AGBL1: variants seen among roughly 807,000 people sequenced by gnomAD.
AGBL1 encodes AGBL carboxypeptidase 1.
In AGBL1, 130 loss-of-function variants were observed where a neutral mutation model predicts 118.9. That is an observed-to-expected ratio of 1.09 (90% CI 0.95 to 1.26). The LOEUF (loss-of-function observed/expected upper bound fraction) is 1.26. Among genes scored for constraint, AGBL1 ranks in the 50% most tolerant of loss-of-function variants. The pLI is 0.00. For synonymous variants in AGBL1, 555 were observed against 478.9 expected, an observed-to-expected ratio of 1.16 and a Z score of -2.08; for missense variants, 1,584 against 1,298.1, an observed-to-expected ratio of 1.22 and a Z score of -3.38.
At chr15:86,314,973 T>C (rs2079978916) in intron 17 of AGBL1, among the ~76,000 whole-genome samples, 1 of 152,212 alleles carries the variant, frequency 6.6e-6, no homozygotes, top group Non-Finnish European at 1.5e-5. Context: ...GGGTTCCTTA[T>C]CTGTAAATAG....
At chr15:86,960,081 CT>C (rs2080976044) in intron 23 of AGBL1, among the ~76,000 whole-genome samples, 1 of 152,098 alleles carries the variant, frequency 6.6e-6, no homozygotes, top group Non-Finnish European at 1.5e-5. Context: ...CTTCTTTAAC[CT>C]TTCTTTGTTG....
At chr15:86,217,011 T>A (rs965099919) in intron 5 of AGBL1, among the ~76,000 whole-genome samples, 2 of 152,206 alleles carry the variant, frequency 1.3e-5, no homozygotes, top group African/African-American at 4.8e-5. Flanking sequence ...ATATTTTTAT[T>A]TATATGTTGC....
In AGBL1 at chr15:86,554,481, T is replaced by A. The variant is rs760990821; in HGVS notation, c.2938T>A (p.Ser980Thr). 5.1e-6 allele frequency: 8 copies of A among 1,583,954 alleles called. No individual in the cohort carries two copies. The African/African-American group carries it at 6.8e-5, about 13-fold the overall frequency. ...RVVVWREMGV[S>T]RSYTMESSYC... ...GGTGGTGTGGAGAGAGATGGGGGTG[T>A]CCAGAAGCTACACCATGGAAAGCAG... is the stretch of plus-strand genomic sequence containing the variant. The change falls in exon 21 of 23, where the codon TCC becomes ACC. Residue 980 changes from serine (S) to threonine (T), a missense_variant. Coordinates refer to ENST00000614907, the MANE Select transcript of AGBL1 (RefSeq NM_001386094.1).
intron 17 of AGBL1, among the ~76,000 whole-genome samples, chr15:86,337,554 C>T (rs932464993): frequency 2.0e-5 from 3 of 152,164 alleles, no homozygotes; most frequent in African/African-American, 7.2e-5. Context: ...ATATCCTTTG[C>T]AGGGACATGG....
At chr15:86,117,950 C>T (rs1027613521) in intron 1 of AGBL1, among the ~76,000 whole-genome samples, 1 of 152,210 alleles carries the variant, frequency 6.6e-6, no homozygotes, top group Non-Finnish European at 1.5e-5. Context: ...GAATAACTGT[C>T]AAGACTTGCT....
intron 21 of AGBL1, among the ~76,000 whole-genome samples, chr15:86,645,129 TTC>T (rs1288942443): frequency 6.6e-6 from 1 of 152,220 alleles, no homozygotes; most frequent in East Asian, 1.9e-4. Flanking sequence ...TAATATTATC[TTC>T]TTAATGTTAA....
At chr15:86,925,486 A>T (rs940587342) in intron 23 of AGBL1, among the ~76,000 whole-genome samples, 1 of 152,038 alleles carries the variant, frequency 6.6e-6, no homozygotes, top group South Asian at 2.1e-4. Flanking sequence ...TATTAATAAC[A>T]CCAGTCCTAA....
chr15:86,564,685 T>A (rs1430894217), intron 21 of AGBL1, among the ~76,000 whole-genome samples: 1 of 152,238 alleles, frequency 6.6e-6, no homozygotes, highest in Non-Finnish European at 1.5e-5. Flanking sequence ...CCTGCCTTGC[T>A]AGGTTGGGGA....
intron 22 of AGBL1, among the ~76,000 whole-genome samples, chr15:86,702,174 GA>G (rs936155568): frequency 1.3e-5 from 2 of 152,122 alleles, no homozygotes; most frequent in African/African-American, 4.8e-5. Context: ...TGAGTAAAGA[GA>G]GGTTTACTTT....
At chr15:86,925,229 C>A (rs1449882156) in intron 23 of AGBL1, among the ~76,000 whole-genome samples, 2 of 140,172 alleles carry the variant, frequency 1.4e-5, no homozygotes, top group Non-Finnish European at 3.3e-5. Flanking sequence ...GAAAGAAGAA[C>A]CTGAACCTGG....
intron 1 of AGBL1, among the ~76,000 whole-genome samples, chr15:86,100,053 T>G (rs1896620463): frequency 6.6e-6 from 1 of 152,208 alleles, no homozygotes; most frequent in African/African-American, 2.4e-5. Context: ...GAAGGAATGT[T>G]GAATTTTATC....
At chr15:86,939,122 G>A (rs1281903717) in intron 23 of AGBL1, 1 of 152,496 alleles carries the variant, frequency 6.6e-6, no homozygotes, top group East Asian at 1.9e-4. Flanking sequence ...GTGTCAACTT[G>A]ATTGGATTGA....
intron 21 of AGBL1, among the ~76,000 whole-genome samples, chr15:86,586,057 G>C (rs1394692475): frequency 6.6e-6 from 1 of 152,174 alleles, no homozygotes; most frequent in Non-Finnish European, 1.5e-5. Flanking sequence ...GCACCGAATA[G>C]AACCATGAAT....
At chr15:86,431,472 G>T (rs1416006929) in intron 18 of AGBL1, among the ~76,000 whole-genome samples, 3 of 152,172 alleles carry the variant, frequency 2.0e-5, no homozygotes, top group Admixed American at 6.5e-5. Context: ...TTGCAATAGG[G>T]CAATTTGGAG....
intron 1 of AGBL1, among the ~76,000 whole-genome samples, chr15:86,093,286 T>G (rs2141471428): frequency 6.6e-6 from 1 of 152,290 alleles, no homozygotes; most frequent in Admixed American, 6.5e-5. Flanking sequence ...AAATCCTAAG[T>G]ACCTGCTAGT....
intron 17 of AGBL1, among the ~76,000 whole-genome samples, chr15:86,337,503 C>T (rs1253110216): frequency 1.3e-5 from 2 of 152,180 alleles, no homozygotes; most frequent in East Asian, 3.8e-4. Context: ...GGTACATATA[C>T]ACCATGGAAT....
chr15:87,018,059 G>A (rs576076599), intron 24 of AGBL1, among the ~76,000 whole-genome samples: 1 of 152,062 alleles, frequency 6.6e-6, no homozygotes, highest in African/African-American at 2.4e-5. Context: ...AAAATAGGCA[G>A]ATAAGAATAG....
At chr15:86,969,589 CTATTTGCG>C (rs1368386637) in intron 23 of AGBL1, among the ~76,000 whole-genome samples, 1 of 151,952 alleles carries the variant, frequency 6.6e-6, no homozygotes, top group Non-Finnish European at 1.5e-5. Context: ...ATTTGTGTGA[CTATTTGCG>C]TGGGAATGTG....
chr15:86,345,953 CTCTTT>C (rs1378240179), intron 17 of AGBL1, among the ~76,000 whole-genome samples: 1 of 151,620 alleles, frequency 6.6e-6, no homozygotes, highest in Non-Finnish European at 1.5e-5. Flanking sequence ...CATCAATTCT[CTCTTT>C]TCTTTTGACT....
Sources: allele counts gnomAD v4.1 joint callset (sites outside exome capture counted in the v4.1 genomes callset), GRCh38; gene constraint gnomAD v4.1.1; transcripts MANE v1.5; gene names NCBI Gene and HGNC (gene_info 2026-07-23, HGNC 2026-07-21).